CEP128: variants seen among roughly 807,000 people sequenced by gnomAD.
CEP128 encodes the protein centrosomal protein 128kDa.
A neutral mutation model predicts 156.7 loss-of-function variants in CEP128; 132 were observed. The ratio of observed to expected loss-of-function variants is 0.84; its 90% CI spans 0.73 to 0.97. CEP128 has a LOEUF of 0.97. Among genes scored for constraint, CEP128 ranks in the 50% least tolerant of loss-of-function variants. CEP128 has a pLI of 0.00. For missense variants in CEP128, 1,252 were observed against 1,281.9 expected (o/e 0.98, Z 0.36); for synonymous variants, 469 against 448.9 (o/e 1.04, Z -0.57).
intron 9 of CEP128, among the ~76,000 whole-genome samples, chr14:80,855,629 G>GCC (rs2140133472): frequency 6.6e-6 from 1 of 151,990 alleles, no homozygotes; most frequent in East Asian, 1.9e-4. Context: ...TCAAACAAAA[G>GCC]TTTTACAACT....
At chr14:80,957,703 G>C (rs1030579010) in intron 2 of CEP128, 1 of 152,198 alleles carries the variant, frequency 6.6e-6, no homozygotes, top group Non-Finnish European at 1.5e-5. Flanking sequence ...TGGAGAATGA[G>C]CAATGGAACA....
rs1045892963 is a variant in CEP128, at chr14:80,934,987, T to C, written c.-16+4398A>G. Among the ~76,000 whole-genome samples, 26 of 152,204 alleles carry C rather than the reference T, an allele frequency of 1.7e-4. 1 individual carries two copies. The highest frequency in any genetic ancestry group is 5.8e-4 in the African/African-American group (24 of 41,452). Reference sequence around the variant, plus strand: ...TACTAAGTGCTTTATGTATGCTCTCTCATTTGATCCTCATAACATTATTAT... The same window carrying C: ...TACTAAGTGCTTTATGTATGCTCTCCCATTTGATCCTCATAACATTATTAT... On this transcript the variant is annotated intron_variant, in intron 2 of 24. Coordinates refer to ENST00000555265, the MANE Select transcript of CEP128 (RefSeq NM_152446.5).
At chr14:80,743,001 G>T in intron 19 of CEP128, 74 bp downstream of exon 19, 1 of 1,341,446 alleles carries the variant, frequency 7.5e-7, no homozygotes, top group Non-Finnish European at 1.1e-6. Flanking sequence ...AACAGAAGTA[G>T]GTTTTTTTCC....
Position 80,895,770 on chromosome 14 carries a change from C to T in CEP128, c.593G>A (p.Arg198Lys). Reference protein sequence around the residue: ...RRSRSDAETKRALEELTEKLN... With the variant: ...RRSRSDAETKKALEELTEKLN... ...TTTTTCAGTCAATTCTTCCAAAGCC[C>T]TTTTTGTTTCGGCATCTGACCTAGG... The change falls in exon 8 of 25, where the codon AGG becomes AAG. Residue 198 changes from arginine to lysine, a missense_variant. Arg to Lys is a conservative substitution (Grantham distance 26). Transcript: ENST00000555265. 6.5e-7 allele frequency: 1 copy of T among 1,531,038 alleles called. No individual in the cohort carries two copies. Among genetic ancestry groups the T allele is most frequent in the Non-Finnish European group, 8.8e-7 (1 of 1,137,656 alleles). The allele number at this position is 1,531,038 out of a possible 1,614,324, so 94.8% of individuals were successfully genotyped here.
intron 13 of CEP128, among the ~76,000 whole-genome samples, chr14:80,798,622 CCTT>C (rs971486729): frequency 3.3e-5 from 5 of 152,160 alleles, no homozygotes; most frequent in Non-Finnish European, 5.9e-5. Flanking sequence ...AGTGAATTCT[CCTT>C]ATTATTATTT....
At chr14:80,811,823 T>TAGATAGATAGATAGATAGATAGAC (rs1392595132) in intron 13 of CEP128, among the ~76,000 whole-genome samples, 21 of 151,792 alleles carry the variant, frequency 1.4e-4, no homozygotes, top group African/African-American at 4.1e-4. Context: ...ATGTATTAGA[T>TAGATAGATAGATAGATAGATAGAC]AGATAGATAG....
rs1404812629 is a variant in CEP128, at chr14:80,733,558, C to CT, written c.2806+9516dup. On this transcript the variant is annotated intron_variant, in intron 19 of 24. Coordinates refer to ENST00000555265, the MANE Select transcript of CEP128 (RefSeq NM_152446.5). ...GGACAAGGAAATGGGAGAATGTAATCTTTTTTTCAAATCATAAATATAAGA... is the reference window on the plus strand; with the variant it reads ...GGACAAGGAAATGGGAGAATGTAATCTTTTTTTTCAAATCATAAATATAAGA... 2.6e-5 allele frequency among the ~76,000 whole-genome samples: 4 copies of CT among 151,924 alleles called. No individual in the cohort carries two copies. The East Asian group carries it at 7.7e-4, about 29-fold the overall frequency.
chr14:80,713,902 A>G (rs1897505551), intron 19 of CEP128, among the ~76,000 whole-genome samples: 1 of 152,172 alleles, frequency 6.6e-6, no homozygotes, highest in African/African-American at 2.4e-5. Flanking sequence ...GTTATTAGAA[A>G]CTATGTAAAA....
intron 19 of CEP128, among the ~76,000 whole-genome samples, chr14:80,679,360 T>C (rs999375466): frequency 1.3e-5 from 2 of 152,158 alleles, no homozygotes; most frequent in African/African-American, 4.8e-5. Context: ...GCTAAATTCT[T>C]TTCCCAGCAA....
At chr14:80,829,863 G>C (rs983658396) in intron 13 of CEP128, among the ~76,000 whole-genome samples, 1 of 152,036 alleles carries the variant, frequency 6.6e-6, no homozygotes, top group Non-Finnish European at 1.5e-5. Context: ...GCATTATTAG[G>C]CTATTACAAA....
intron 21 of CEP128, among the ~76,000 whole-genome samples, chr14:80,554,742 G>A (rs994459052): frequency 3.3e-4 from 50 of 151,274 alleles, no homozygotes; most frequent in Non-Finnish European, 4.7e-4. Context: ...ATTATGATTC[G>A]TTGGTCAAAT....
rs188575415 is a variant in CEP128 at position 80,502,908 on chromosome 14, G to A, written c.3181+2004C>T. ...CAGGGTAATCCTAATGTTTCTCACT[G>A]CTAATGTGCCCCATTATTAAAAACA... On this transcript the variant is annotated intron_variant, in intron 24 of 24. Transcript: ENST00000555265. 1.1e-4 allele frequency among the ~76,000 whole-genome samples: 17 copies of A among 152,160 alleles called. No individual in the cohort carries two copies. In the East Asian group the frequency reaches 3.3e-3, roughly 29 times the overall value.
chr14:80,538,169 A>C (rs1443924265), intron 21 of CEP128, among the ~76,000 whole-genome samples: 1 of 152,122 alleles, frequency 6.6e-6, no homozygotes, highest in Middle Eastern at 3.2e-3. Flanking sequence ...TTAAAGCTGA[A>C]TCTCTGAGGT....
chr14:80,893,508 CA>C (rs55840549), intron 8 of CEP128, among the ~76,000 whole-genome samples: 167 of 140,114 alleles, frequency 1.2e-3, no homozygotes, highest in East Asian at 5.4e-3. Context: ...CAAACCAAAA[CA>C]AAAAAAAAAA....
intron 2 of CEP128, among the ~76,000 whole-genome samples, chr14:80,947,493 C>G (rs527455872): frequency 2.6e-4 from 40 of 152,020 alleles, no homozygotes; most frequent in Non-Finnish European, 5.4e-4. Context: ...TATGCTAAGC[C>G]CTTTTGCAAA....
intron 20 of CEP128, among the ~76,000 whole-genome samples, chr14:80,576,806 T>C (rs1314709829): frequency 2.0e-5 from 3 of 152,084 alleles, no homozygotes; most frequent in African/African-American, 7.2e-5. Flanking sequence ...AGGGGCTATA[T>C]AAATAAGAGA....
intron 13 of CEP128, among the ~76,000 whole-genome samples, chr14:80,813,111 G>A (rs1248799347): frequency 6.6e-6 from 1 of 152,102 alleles, no homozygotes; most frequent in Non-Finnish European, 1.5e-5. Context: ...ACACAATCTG[G>A]ATATTAGACC....
At chr14:80,737,430 A>G (rs1214790549) in intron 19 of CEP128, among the ~76,000 whole-genome samples, 1 of 152,032 alleles carries the variant, frequency 6.6e-6, no homozygotes, top group Non-Finnish European at 1.5e-5. Context: ...AAAAAATTAT[A>G]AAGAAAGCAA....
Position 80,549,614 on chromosome 14 carries a change from T to C in CEP128, c.2880+9665A>G, listed in dbSNP as rs543850244. Among the ~76,000 whole-genome samples, 22 of 152,296 alleles carry C rather than the reference T, an allele frequency of 1.4e-4. 1 individual carries two copies. In the South Asian group the frequency reaches 1.5e-3, roughly 10 times the overall value. ...TTCTTACAAATACTTAGGAGAAGCA[T>C]TGCAAATAATTAACAGTTATTTGGC... On this transcript the variant is annotated intron_variant, in intron 21 of 24. Transcript: ENST00000555265.
Sources: gnomAD v4.1 joint callset for allele counts (sites outside exome capture counted in the v4.1 genomes callset) on GRCh38, gnomAD v4.1.1 for gene constraint, MANE v1.5 for transcripts, NCBI Gene and HGNC (gene_info 2026-07-23, HGNC 2026-07-21) for gene names.